MMAB: variants seen among roughly 807,000 people sequenced by gnomAD.
The protein encoded by MMAB is metabolism of cobalamin associated B.
Under a neutral mutation model 30.6 loss-of-function variants are expected in MMAB, and 17 were observed. The ratio of observed to expected loss-of-function variants is 0.56; its 90% CI spans 0.38 to 0.83. MMAB has a LOEUF of 0.83. Among genes scored for constraint, MMAB ranks in the 40% least tolerant of loss-of-function variants. The pLI is 0.00. For synonymous variants in MMAB, 134 were observed against 138.6 expected (o/e 0.97, Z 0.23); for missense variants, 311 against 331.6 (o/e 0.94, Z 0.48).
At position 109,554,426 on chromosome 12, in the gene MMAB, T is replaced by C. The variant is rs1216126077; in HGVS notation, c.*2602A>G. 4 of 453,976 alleles carry C rather than the reference T, an allele frequency of 8.8e-6. No individual in the cohort carries two copies. The highest frequency in any genetic ancestry group is 1.8e-5 in the Non-Finnish European group (4 of 226,770). 28.1% of individuals were successfully genotyped at this position (453,976 alleles called of 1,614,324 possible). A position where few individuals can be genotyped will look rare whatever the true frequency, so the allele number is the denominator to read the frequency against. On this transcript the variant is annotated 3_prime_UTR_variant, in exon 9 of 9. Transcript: ENST00000545712. ...AGGAGGCATTTTCATGGGTGCAAAA[T>C]GTAAGGAAGTGCCCACAAACTCAGG...
chr12:109,565,633 C>T (rs1884394125), intron 3 of MMAB, among the ~76,000 whole-genome samples: 1 of 152,196 alleles, frequency 6.6e-6, no homozygotes, highest in African/African-American at 2.4e-5. Flanking sequence ...AAGCTTACAC[C>T]TTCATGTTCA....
At chr12:109,560,970 T>TGGGGGGGGGGG in intron 7 of MMAB, 70 bp downstream of exon 7, 2 of 808,178 alleles carry the variant, frequency 2.5e-6, no homozygotes, top group Non-Finnish European at 2.0e-6. Flanking sequence ...CTCCTCTCCC[T>TGGGGGGGGGGG]CTCCCTCCCC....
rs1372376659 is a variant in MMAB, at chr12:109,555,877, C to T, written c.*1151G>A. On this transcript the variant is annotated 3_prime_UTR_variant, in exon 9 of 9. Transcript: ENST00000545712. Reference sequence around the variant, plus strand: ...CTGACTTGCCAGCAAGAAAGATGGCCGGAAAGACCAGCTGTCCCGAGCCTA... The same window carrying T: ...CTGACTTGCCAGCAAGAAAGATGGCTGGAAAGACCAGCTGTCCCGAGCCTA... 8.8e-6 allele frequency: 4 copies of T among 453,930 alleles called. No individual in the cohort carries two copies. Among genetic ancestry groups the T allele is most frequent in the South Asian group, 4.7e-5 (3 of 64,476 alleles). The allele number at this position is 453,930 out of a possible 1,614,324, so 28.1% of individuals were successfully genotyped here.
At chr12:109,560,073 T>C (rs1884138304) in intron 7 of MMAB, among the ~76,000 whole-genome samples, 1 of 152,250 alleles carries the variant, frequency 6.6e-6, no homozygotes, top group Non-Finnish European at 1.5e-5. Flanking sequence ...CTTGCTATTA[T>C]GAGCACTGCT....
chr12:109,571,744 G>A (rs781196376), intron 1 of MMAB, 34 bp from the exon 2 acceptor site: 30 of 1,593,840 alleles, frequency 1.9e-5, no homozygotes, highest in Non-Finnish European at 2.5e-5. Flanking sequence ...TCTGGTGAGT[G>A]GGGATGGCTT....
rs1883894941 is a variant in MMAB, at chr12:109,554,515, C to G, written c.*2513G>C. 4.4e-6 allele frequency: 2 copies of G among 454,010 alleles called. No homozygotes were observed. Among genetic ancestry groups the G allele is most frequent in the African/African-American group, 4.0e-5 (2 of 50,006 alleles). The allele number at this position is 454,010 out of a possible 1,614,324, so 28.1% of individuals were successfully genotyped here. A position where few individuals can be genotyped will look rare whatever the true frequency, so the allele number is the denominator to read the frequency against. ...AATTATGAAAAAAATCTACGATAAG[C>G]AAGGGATCACGACTTTAAATAAAAA... On this transcript the variant is annotated 3_prime_UTR_variant, in exon 9 of 9. Transcript: ENST00000545712.
chr12:109,554,525 C>T lies in MMAB; in HGVS notation c.*2503G>A, dbSNP rs886048916. On this transcript the variant is annotated 3_prime_UTR_variant, in exon 9 of 9. Coordinates refer to ENST00000545712, the MANE Select transcript of MMAB (RefSeq NM_052845.4). ...AAAATCTACGATAAGCAAGGGATCA[C>T]GACTTTAAATAAAAACAGGCTGCTG... The T allele has an allele frequency of 2.8e-4, 128 of 454,052 alleles. No individual in the cohort carries two copies. Among genetic ancestry groups the T allele is most frequent in the Admixed American group, 2.4e-3 (103 of 42,560 alleles). 28.1% of individuals were successfully genotyped at this position (454,052 alleles called of 1,614,324 possible). A position where few individuals can be genotyped will look rare whatever the true frequency, so the allele number is the denominator to read the frequency against.
Position 109,561,963 on chromosome 12 carries a change from T to C in MMAB, c.349-111A>G, listed in dbSNP as rs1884229687. ...GGCAAAGCCTGTGCCAGCTAGCTCA[T>C]GAAGGGCTGTGATATGGTTTGGCAA... On this transcript the variant is annotated intron_variant, in intron 4 of 8. Coordinates refer to ENST00000545712, the MANE Select transcript of MMAB (RefSeq NM_052845.4). This position sits in a 1 kb window ranked among gnomAD's most constrained non-coding sequence, Gnocchi z 5.3. 4.5e-6 allele frequency: 4 copies of C among 885,228 alleles called. No homozygotes were observed. The highest frequency in any genetic ancestry group is 4.3e-5 in the South Asian group (3 of 70,518). 54.8% of individuals were successfully genotyped at this position (885,228 alleles called of 1,614,324 possible).
At chr12:109,567,483 C>A (rs1402213127) in intron 3 of MMAB, among the ~76,000 whole-genome samples, 1 of 152,136 alleles carries the variant, frequency 6.6e-6, no homozygotes, top group African/African-American at 2.4e-5. Context: ...TGTTGCTGCT[C>A]CCCCTGTCAC....
rs989196585 is a variant in MMAB, at chr12:109,558,940, G to T, written c.644+156C>A. 3.3e-5 allele frequency among the ~76,000 whole-genome samples: 5 copies of T among 152,170 alleles called. No homozygotes were observed. Among genetic ancestry groups the T allele is most frequent in the Admixed American group, 6.5e-5 (1 of 15,286 alleles). ...CTGCCTCCCCTGTGCCCGGCGTGGT[G>T]CCTGGCACAGAGCAGATGTTCATAA... On this transcript the variant is annotated intron_variant, in intron 8 of 8. Transcript: ENST00000545712. This position sits in a 1 kb window ranked among gnomAD's most constrained non-coding sequence, Gnocchi z 4.3.
At chr12:109,573,285 C>T in intron 1 of MMAB, 62 bp downstream of exon 1, 1 of 1,606,148 alleles carries the variant, frequency 6.2e-7, no homozygotes, top group African/African-American at 1.3e-5. Flanking sequence ...GTGACGTACC[C>T]ATGGCGACGA....
chr12:109,568,694 G>C (rs989481968), intron 3 of MMAB, 76 bp downstream of exon 3: 3 of 1,154,210 alleles, frequency 2.6e-6, no homozygotes, highest in Non-Finnish European at 3.9e-6. Context: ...CCCAGCATGC[G>C]TGAGAGCTTC....
At chr12:109,564,557 ATT>A (rs1225684291) in intron 4 of MMAB, among the ~76,000 whole-genome samples, 7 of 140,672 alleles carry the variant, frequency 5.0e-5, no homozygotes, top group African/African-American at 1.0e-4. Flanking sequence ...CTAATTTTTA[ATT>A]TTTTTTTTTT....
Position 109,555,274 on chromosome 12 carries a change from G to GGTTTTTTTTTTTTTTTTT in MMAB, c.*1736_*1753dup. On this transcript the variant is annotated 3_prime_UTR_variant, in exon 9 of 9. Transcript: ENST00000545712. ...CGAGCCTTAGTGATTGCGTTTTCAGGGTTTTTTTTTTTTTTTTTTTTTTTT... is the reference window on the plus strand; with the variant it reads ...CGAGCCTTAGTGATTGCGTTTTCAGGGTTTTTTTTTTTTTTTTTGTTTTTTTTTTTTTTTTTTTTTTTT... 1 of 338,532 alleles carries GGTTTTTTTTTTTTTTTTT rather than the reference G, an allele frequency of 3.0e-6. No individual in the cohort carries two copies. The highest frequency in any genetic ancestry group is 4.2e-5 in the African/African-American group (1 of 23,762). 21.0% of individuals were successfully genotyped at this position (338,532 alleles called of 1,614,324 possible).
chr12:109,573,291 G>C, intron 1 of MMAB, 56 bp downstream of exon 1: 1 of 1,608,992 alleles, frequency 6.2e-7, no homozygotes, highest in Non-Finnish European at 8.5e-7. Context: ...TACCCATGGC[G>C]ACGACACCAC....
chr12:109,555,118 T>C lies in MMAB; in HGVS notation c.*1910A>G, dbSNP rs1025983906. ...TCCTTATCCTTTGGAGGCTGTGCTT[T>C]CCCATGGCTAGGCATGCAGGGCTGC... On this transcript the variant is annotated 3_prime_UTR_variant, in exon 9 of 9. Coordinates refer to ENST00000545712, the MANE Select transcript of MMAB (RefSeq NM_052845.4). 3 of 453,824 alleles carry C rather than the reference T, an allele frequency of 6.6e-6. No individual in the cohort carries two copies. The highest frequency in any genetic ancestry group is 1.3e-5 in the Non-Finnish European group (3 of 226,782). 28.1% of individuals were successfully genotyped at this position (453,824 alleles called of 1,614,324 possible).
In MMAB at chr12:109,555,387, A is replaced by G; in HGVS notation, c.*1641T>C. 1 of 408,550 alleles carries G rather than the reference A, an allele frequency of 2.4e-6. No individual in the cohort carries two copies. The highest frequency in any genetic ancestry group is 1.7e-5 in the South Asian group (1 of 57,282). The allele number at this position is 408,550 out of a possible 1,614,324, so 25.3% of individuals were successfully genotyped here. On this transcript the variant is annotated 3_prime_UTR_variant, in exon 9 of 9. Transcript: ENST00000545712. ...AGCCTCTGCCTCGTAGGTTCAAGTG[A>G]TTCTCCTGCCTCAGCCTCCTGAATA...
In MMAB at chr12:109,555,503, A is replaced by G; in HGVS notation, c.*1525T>C. On this transcript the variant is annotated 3_prime_UTR_variant, in exon 9 of 9. Coordinates refer to ENST00000545712, the MANE Select transcript of MMAB (RefSeq NM_052845.4). ...GAAATGGGGTTTTACCATGTTGACC[A>G]GGCTGGTCTCAAACTCCTGACCTCA... The G allele has an allele frequency of 2.4e-6, 1 of 409,236 alleles. No homozygotes were observed. The highest frequency in any genetic ancestry group is 1.8e-5 in the South Asian group (1 of 57,002). 25.4% of individuals were successfully genotyped at this position (409,236 alleles called of 1,614,324 possible).
At chr12:109,572,575 G>C (rs1020211370) in intron 1 of MMAB, among the ~76,000 whole-genome samples, 1 of 151,960 alleles carries the variant, frequency 6.6e-6, no homozygotes, top group Non-Finnish European at 1.5e-5. Context: ...TTCACAGACA[G>C]GGTCTTGCTC....
Sources: gnomAD v4.1 joint callset for allele counts (sites outside exome capture counted in the v4.1 genomes callset) on GRCh38, gnomAD v4.1.1 for gene constraint, Gnocchi (gnomAD v3.1) non-coding constraint, MANE v1.5 for transcripts, NCBI Gene and HGNC (gene_info 2026-07-23, HGNC 2026-07-21) for gene names.